Variants in CAP2 observed in about 807,000 individuals in gnomAD.
CAP2 encodes the protein cyclase associated actin cytoskeleton regulatory protein 2, also known as adenylyl cyclase-associated protein 2.
Under a neutral mutation model 57.7 loss-of-function variants are expected in CAP2, and 24 were observed. The observed-to-expected ratio is 0.42, with a 90% CI of 0.30 to 0.58. The LOEUF (loss-of-function observed/expected upper bound fraction) is 0.58. Among genes scored for constraint, CAP2 ranks in the 20% least tolerant of loss-of-function variants. CAP2 has a pLI of 0.22. For missense variants in CAP2, 501 were observed against 590.3 expected, an observed-to-expected ratio of 0.85 and a Z score of 1.57; for synonymous variants, 194 against 207.2, an observed-to-expected ratio of 0.94 and a Z score of 0.55.
chr6:17,527,125 C>A (rs1459865632), intron 7 of CAP2, among the ~76,000 whole-genome samples: 1 of 152,076 alleles, frequency 6.6e-6, no homozygotes, highest in African/African-American at 2.4e-5. Flanking sequence ...TGCCTTAACC[C>A]CCACCTCTAC....
intron 3 of CAP2, among the ~76,000 whole-genome samples, chr6:17,453,758 C>A (rs1581531825): frequency 6.6e-6 from 1 of 152,194 alleles, no homozygotes; most frequent in Non-Finnish European, 1.5e-5. Flanking sequence ...GGTCAGTAGA[C>A]CCAACTCTAA....
At chr6:17,414,172 CAG>C (rs1759216884) in intron 1 of CAP2, among the ~76,000 whole-genome samples, 2 of 151,762 alleles carry the variant, frequency 1.3e-5, no homozygotes, top group Non-Finnish European at 2.9e-5. Flanking sequence ...TTATTTTTTG[CAG>C]AGAGTTCACA....
intron 3 of CAP2, among the ~76,000 whole-genome samples, chr6:17,458,699 T>C (rs1197682487): frequency 2.0e-5 from 3 of 152,136 alleles, no homozygotes; most frequent in Non-Finnish European, 4.4e-5. Context: ...TGAAAATGTA[T>C]TAAGCTAGTT....
intron 8 of CAP2, among the ~76,000 whole-genome samples, chr6:17,539,977 G>T (rs1023499027): frequency 7.9e-5 from 12 of 152,176 alleles, no homozygotes; most frequent in Non-Finnish European, 1.5e-5. Context: ...AGCTACTAAG[G>T]AATCTGAGGT....
In CAP2 at chr6:17,507,675, A is replaced by G; in HGVS notation, c.479A>G (p.Asn160Ser). Residue 160 changes from asparagine (N) to serine (S), a missense_variant, in exon 6 of 13, where the codon AAT (asparagine) becomes AGT (serine). Coordinates refer to ENST00000229922, the MANE Select transcript of CAP2 (RefSeq NM_006366.3). ...CCTGGTCCTTATGTCAAGGAGATGAATGACGCTGCCACCTTTTACACTAAC... is the reference window on the plus strand; with the variant it reads ...CCTGGTCCTTATGTCAAGGAGATGAGTGACGCTGCCACCTTTTACACTAAC... ...PKPGPYVKEMNDAATFYTNRV... is the reference protein window; with the variant it reads ...PKPGPYVKEMSDAATFYTNRV... 6.2e-7 allele frequency: 1 copy of G among 1,611,644 alleles called. No homozygotes were observed. The highest frequency in any genetic ancestry group is 8.5e-7 in the Non-Finnish European group (1 of 1,177,990).
chr6:17,521,736 G>T (rs530883368), intron 7 of CAP2, among the ~76,000 whole-genome samples: 2 of 152,124 alleles, frequency 1.3e-5, no homozygotes, highest in African/African-American at 4.8e-5. Flanking sequence ...CATAGACCAG[G>T]ACCACGTGGA....
At position 17,533,889 on chromosome 6, in the gene CAP2, T is replaced by C. The variant is rs532700592; in HGVS notation, c.637-5380T>C. The stretch of plus-strand genomic sequence containing the variant: ...CCTCATTTTTTTAAGTTGTAAACCA[T>C]TGTTACAATGACTCCAATAGAACGT... On this transcript the variant is annotated intron_variant, in intron 7 of 12. Coordinates refer to ENST00000229922, the MANE Select transcript of CAP2 (RefSeq NM_006366.3). Among the ~76,000 whole-genome samples, 12 of 152,280 alleles carry C rather than the reference T, an allele frequency of 7.9e-5. 2 individuals are homozygous for C. In the South Asian group the frequency reaches 2.5e-3, roughly 32 times the overall value.
intron 4 of CAP2, among the ~76,000 whole-genome samples, chr6:17,471,866 G>A (rs1164647770): frequency 2.6e-5 from 4 of 151,768 alleles, no homozygotes; most frequent in Non-Finnish European, 5.9e-5. Context: ...TTTGTATCAC[G>A]CTTAGTTATG....
intron 7 of CAP2, among the ~76,000 whole-genome samples, chr6:17,522,049 C>T (rs1762404979): frequency 6.6e-6 from 1 of 152,004 alleles, no homozygotes; most frequent in Non-Finnish European, 1.5e-5. Context: ...GTGGAGGTTG[C>T]AGTCAGCCTG....
intron 6 of CAP2, among the ~76,000 whole-genome samples, chr6:17,508,959 T>C (rs368206945): frequency 1.4e-4 from 21 of 152,168 alleles, no homozygotes; most frequent in African/African-American, 4.6e-4. Flanking sequence ...AGTTTCACCA[T>C]ATTGGCCAGA....
intron 4 of CAP2, among the ~76,000 whole-genome samples, chr6:17,483,940 C>G (rs1056487949): frequency 1.3e-5 from 2 of 151,848 alleles, no homozygotes; most frequent in Non-Finnish European, 2.9e-5. Context: ...CTCCTGTGTG[C>G]TTCTTGTCTG....
chr6:17,426,678 C>A lies in CAP2; in HGVS notation c.210C>A (p.Asp70Glu). Residue 70 changes from aspartate to glutamate, a missense_variant, in exon 3 of 13, where the codon GAC becomes GAA. By Grantham distance (45) the Asp-to-Glu change is conservative. Coordinates refer to ENST00000229922, the MANE Select transcript of CAP2 (RefSeq NM_006366.3). Reference protein sequence around the residue: ...FLKNSRILAGDVETHAEMVHS... With the variant: ...FLKNSRILAGEVETHAEMVHS... ...AGAACAGTAGGATCCTTGCTGGGGA[C>A]GTGGAGACCCATGTAAGTACTTTCC... 1 of 1,611,592 alleles carries A rather than the reference C, an allele frequency of 6.2e-7. No homozygotes were observed. Among genetic ancestry groups the A allele is most frequent in the Non-Finnish European group, 8.5e-7 (1 of 1,177,740 alleles).
intron 7 of CAP2, among the ~76,000 whole-genome samples, chr6:17,532,286 G>A (rs935294419): frequency 1.3e-5 from 2 of 151,110 alleles, no homozygotes; most frequent in African/African-American, 2.4e-5. Flanking sequence ...GATTACAGGT[G>A]TGTGCCACCA....
At chr6:17,497,231 A>G (rs823436) in intron 4 of CAP2, among the ~76,000 whole-genome samples, 22,897 of 152,176 alleles carry the variant, frequency 0.15, 2,195 homozygotes, top group African/African-American at 0.28. Flanking sequence ...AGGGATTACT[A>G]GTGAAGTCCC....
Position 17,513,756 on chromosome 6 carries a change from CT to C in CAP2, c.531-92del. 1 of 804,994 alleles carries C rather than the reference CT, an allele frequency of 1.2e-6. No homozygotes were observed. The highest frequency in any genetic ancestry group is 1.5e-5 in the South Asian group (1 of 65,156). The allele number at this position is 804,994 out of a possible 1,614,324, so 49.9% of individuals were successfully genotyped here. On this transcript the variant is annotated intron_variant, in intron 6 of 12. Transcript: ENST00000229922. This position sits in a 1 kb window ranked among gnomAD's most constrained non-coding sequence, Gnocchi z 4.3. ...ACGATTGCTCCGGGCTCCAGGGCCCCTAGTCACTAGATAACCATGTGCCCCC... is the reference window on the plus strand; with the variant it reads ...ACGATTGCTCCGGGCTCCAGGGCCCCAGTCACTAGATAACCATGTGCCCCC...
At chr6:17,454,247 G>T (rs528462168) in intron 3 of CAP2, among the ~76,000 whole-genome samples, 1 of 152,102 alleles carries the variant, frequency 6.6e-6, no homozygotes, top group African/African-American at 2.4e-5. Context: ...ATGCATGGGA[G>T]ACCACCGTGA....
chr6:17,395,404 T>A (rs939597922), intron 1 of CAP2, among the ~76,000 whole-genome samples: 1 of 152,232 alleles, frequency 6.6e-6, no homozygotes, highest in African/African-American at 2.4e-5. Context: ...AATATTCTTC[T>A]GTTTTTTTCC....
chr6:17,394,116 C>G (rs1204324388), intron 1 of CAP2, among the ~76,000 whole-genome samples: 2 of 146,832 alleles, frequency 1.4e-5, no homozygotes, highest in Non-Finnish European at 1.5e-5. Context: ...CCCGCCCGGC[C>G]GCTCTAACTT....
At chr6:17,499,651 C>T (rs994714324) in intron 4 of CAP2, among the ~76,000 whole-genome samples, 1 of 151,894 alleles carries the variant, frequency 6.6e-6, no homozygotes, top group East Asian at 1.9e-4. Flanking sequence ...GAGTTCAAGA[C>T]CAGCCTGGGC....
Sources: allele counts gnomAD v4.1 joint callset (sites outside exome capture counted in the v4.1 genomes callset), GRCh38; gene constraint gnomAD v4.1.1; non-coding constraint Gnocchi (gnomAD v3.1); transcripts MANE v1.5; gene names NCBI Gene and HGNC (gene_info 2026-07-23, HGNC 2026-07-21).